Variants in NUDCD2 observed in about 807,000 individuals in gnomAD.
NUDCD2 encodes the protein nudC domain-containing protein 2.
In NUDCD2, 16 loss-of-function variants were observed where a neutral mutation model predicts 20.8. That is an observed-to-expected ratio of 0.77 (90% CI 0.52 to 1.17). The LOEUF (loss-of-function observed/expected upper bound fraction) is 1.17, where lower values mean the gene tolerates loss of function less well. NUDCD2 is among the 50% of genes most tolerant of loss of function. The pLI is 0.00. For missense variants in NUDCD2, 199 were observed against 193.9 expected (o/e 1.03, Z -0.16); for synonymous variants, 87 against 72.8 (o/e 1.20, Z -1.00).
At chr5:163,457,120 T>G (rs372905503) in intron 2 of NUDCD2, 40 bp from the exon 3 acceptor site, 63 of 1,530,176 alleles carry the variant, frequency 4.1e-5, no homozygotes, top group Non-Finnish European at 5.4e-5. Context: ...ACAAATAAAT[T>G]AGAGTTCTTC....
chr5:163,458,277 G>A (rs940154201), intron 1 of NUDCD2, among the ~76,000 whole-genome samples: 5 of 151,784 alleles, frequency 3.3e-5, no homozygotes, highest in Admixed American at 2.6e-4. Context: ...TACCGCACCC[G>A]GCAAAATGTT....
Position 163,459,930 on chromosome 5 carries a change from G to C in NUDCD2, c.121C>G (p.Gln41Glu). ...CTCTGGAGGCCGCACTGGATATCCT[G>C]GGCGCGCGTGCCTGGCGGCACCTGA... is the stretch of plus-strand genomic sequence containing the variant. Reference protein sequence around the residue: ...EVQVPPGTRAQDIQCGLQSRH... With the variant: ...EVQVPPGTRAEDIQCGLQSRH... Residue 41 changes from glutamine (Q) to glutamate (E), a missense_variant, in exon 1 of 4, where the codon CAG (glutamine) becomes GAG (glutamate). Physicochemically the swap from Gln to Glu is conservative, Grantham distance 29. Transcript: ENST00000302764. 4.3e-6 allele frequency: 7 copies of C among 1,612,954 alleles called. No homozygotes were observed. The highest frequency in any genetic ancestry group is 5.9e-6 in the Non-Finnish European group (7 of 1,179,750).
rs1758236187 is a variant in NUDCD2, at chr5:163,453,764, C to T, written c.*203G>A. On this transcript the variant is annotated 3_prime_UTR_variant, in exon 4 of 4. Coordinates refer to ENST00000302764, the MANE Select transcript of NUDCD2 (RefSeq NM_145266.6). ...CTGAGCAAAAACAAGTCCAAAACAA[C>T]TTTACCATATATCCATAGAATAGTT... 1 of 362,732 alleles carries T rather than the reference C, an allele frequency of 2.8e-6. No homozygotes were observed. Among genetic ancestry groups the T allele is most frequent in the Admixed American group, 4.6e-5 (1 of 21,860 alleles). 22.5% of individuals were successfully genotyped at this position (362,732 alleles called of 1,614,324 possible).
Position 163,459,996 on chromosome 5 carries a change from CCCA to C in NUDCD2, c.52_54del (p.Trp18del). 1 of 1,613,188 alleles carries C rather than the reference CCCA, an allele frequency of 6.2e-7. No homozygotes were observed. The highest frequency in any genetic ancestry group is 8.5e-7 in the Non-Finnish European group (1 of 1,179,658). Reference sequence around the variant, plus strand: ...TCCTCCAAGGTCTGGTACCACTGGCCCCACGGGGTCCCGCACGGTACCACCCCA... The same window carrying C: ...TCCTCCAAGGTCTGGTACCACTGGCCCGGGGTCCCGCACGGTACCACCCCA... On this transcript the variant is annotated inframe_deletion, in exon 1 of 4. Coordinates refer to ENST00000302764, the MANE Select transcript of NUDCD2 (RefSeq NM_145266.6).
chr5:163,457,449 T>G (rs1758351724), intron 2 of NUDCD2, 113 bp downstream of exon 2: 11 of 720,184 alleles, frequency 1.5e-5, no homozygotes, highest in Non-Finnish European at 2.7e-5. Flanking sequence ...TTCAACACAT[T>G]TCTATTGCTT....
rs1027600809 is a variant in NUDCD2 at position 163,448,235 on chromosome 5, G to A, written c.*5732C>T. ...AAAGAGGCAGAAAATAAATGCAATT[G>A]TAAACAAATTAATAGAAAACAATCA... On this transcript the variant is annotated 3_prime_UTR_variant, in exon 4 of 4. Coordinates refer to ENST00000302764, the MANE Select transcript of NUDCD2 (RefSeq NM_145266.6). 2.0e-5 allele frequency: 3 copies of A among 150,744 alleles called. No individual in the cohort carries two copies. The highest frequency in any genetic ancestry group is 2.0e-4 in the Admixed American group (3 of 15,148). The allele number at this position is 150,744 out of a possible 1,614,324, so 9.3% of individuals were successfully genotyped here.
At chr5:163,456,558 C>T (rs150963198) in intron 3 of NUDCD2, among the ~76,000 whole-genome samples, 5 of 152,124 alleles carry the variant, frequency 3.3e-5, no homozygotes, top group East Asian at 3.9e-4. Flanking sequence ...AAGCAATAGC[C>T]AACATATGAG....
intron 1 of NUDCD2, 124 bp from the exon 2 acceptor site, chr5:163,457,734 T>C (rs893833665): frequency 7.4e-6 from 5 of 675,998 alleles, no homozygotes; most frequent in Non-Finnish European, 1.3e-5. Flanking sequence ...CCATGACATT[T>C]ATAGGTGCAC....
intron 1 of NUDCD2, among the ~76,000 whole-genome samples, chr5:163,458,502 G>T (rs1261244051): frequency 6.6e-6 from 1 of 152,066 alleles, no homozygotes; most frequent in Non-Finnish European, 1.5e-5. Flanking sequence ...GGCCAACGTG[G>T]ATTGCTTGAC....
chr5:163,449,343 C>T lies in NUDCD2; in HGVS notation c.*4624G>A, dbSNP rs534733052. The T allele has an allele frequency of 1.2e-4, 18 of 152,312 alleles. No individual in the cohort carries two copies. Among genetic ancestry groups the T allele is most frequent in the Non-Finnish European group, 2.6e-4 (18 of 68,024 alleles). The allele number at this position is 152,312 out of a possible 1,614,324, so 9.4% of individuals were successfully genotyped here. ...CAAACAAAAATCAAACACATTTGTA[C>T]ATACTAGCGATGTGCAATTGGAAAC... On this transcript the variant is annotated 3_prime_UTR_variant, in exon 4 of 4. Coordinates refer to ENST00000302764, the MANE Select transcript of NUDCD2 (RefSeq NM_145266.6).
Position 163,450,341 on chromosome 5 carries a change from G to C in NUDCD2, c.*3626C>G, listed in dbSNP as rs550598757. On this transcript the variant is annotated 3_prime_UTR_variant, in exon 4 of 4. Coordinates refer to ENST00000302764, the MANE Select transcript of NUDCD2 (RefSeq NM_145266.6). The stretch of plus-strand genomic sequence containing the variant: ...ACACCAAAAACATGATCCACCAATG[G>C]CATGATGGATAAGACTTCATCAAAA... 14 of 152,202 alleles carry C rather than the reference G, an allele frequency of 9.2e-5. No individual in the cohort carries two copies. Among genetic ancestry groups the C allele is most frequent in the African/African-American group, 3.4e-4 (14 of 41,520 alleles). The allele number at this position is 152,202 out of a possible 1,614,324, so 9.4% of individuals were successfully genotyped here. A position where few individuals can be genotyped will look rare whatever the true frequency, so the allele number is the denominator to read the frequency against.
chr5:163,455,515 G>C (rs1481637742), intron 3 of NUDCD2, among the ~76,000 whole-genome samples: 1 of 152,192 alleles, frequency 6.6e-6, no homozygotes, highest in Non-Finnish European at 1.5e-5. Flanking sequence ...TGTAATCCCG[G>C]CACTTTGGGA....
chr5:163,459,284 G>C (rs1758409801), intron 1 of NUDCD2: 1 of 152,154 alleles, frequency 6.6e-6, no homozygotes, highest in African/African-American at 2.4e-5. Flanking sequence ...AAGAGCATTG[G>C]TGAAAAGAAA....
At chr5:163,454,075 A>G in intron 3 of NUDCD2, 25 bp from the exon 4 acceptor site, 1 of 1,272,722 alleles carries the variant, frequency 7.9e-7, no homozygotes, top group East Asian at 2.6e-5. Context: ...CATATATATA[A>G]TGAAATAAAA....
In NUDCD2 at chr5:163,449,499, T is replaced by C. The variant is rs1346772542; in HGVS notation, c.*4468A>G. 2 of 152,254 alleles carry C rather than the reference T, an allele frequency of 1.3e-5. No individual in the cohort carries two copies. Among genetic ancestry groups the C allele is most frequent in the African/African-American group, 2.4e-5 (1 of 41,470 alleles). 9.4% of individuals were successfully genotyped at this position (152,254 alleles called of 1,614,324 possible). ...GTCCTAAATAGATACCTCATGTTCATGGATTGGAAGACACAAAATTGCATT... is the reference window on the plus strand; with the variant it reads ...GTCCTAAATAGATACCTCATGTTCACGGATTGGAAGACACAAAATTGCATT... On this transcript the variant is annotated 3_prime_UTR_variant, in exon 4 of 4. Transcript: ENST00000302764.
rs1206735259 is a variant in NUDCD2 at position 163,452,065 on chromosome 5, A to C, written c.*1902T>G. 2.0e-5 allele frequency: 3 copies of C among 151,610 alleles called. No homozygotes were observed. The highest frequency in any genetic ancestry group is 4.9e-5 in the African/African-American group (2 of 41,226). The allele number at this position is 151,610 out of a possible 1,614,324, so 9.4% of individuals were successfully genotyped here. A position where few individuals can be genotyped will look rare whatever the true frequency, so the allele number is the denominator to read the frequency against. ...TGAAACTCCACCTTAAAAAAAAAAA[A>C]CCCCACAAATAATCAAATAGGAATC... On this transcript the variant is annotated 3_prime_UTR_variant, in exon 4 of 4. Transcript: ENST00000302764.
rs998400168 is a variant in NUDCD2 at position 163,448,066 on chromosome 5, T to G, written c.*5901A>C. 1 of 151,638 alleles carries G rather than the reference T, an allele frequency of 6.6e-6. No individual in the cohort carries two copies. 9.4% of individuals were successfully genotyped at this position (151,638 alleles called of 1,614,324 possible). ...GTCCCAGCCACTCAGAAGGCTGAGG[T>G]AGGAGGATCATGACCCCACGAGTTT... On this transcript the variant is annotated 3_prime_UTR_variant, in exon 4 of 4. Transcript: ENST00000302764.
At chr5:163,458,223 C>T (rs933960825) in intron 1 of NUDCD2, among the ~76,000 whole-genome samples, 46 of 152,006 alleles carry the variant, frequency 3.0e-4, no homozygotes, top group South Asian at 1.5e-3. Context: ...CCTTGTGATC[C>T]GCCCGCCTAG....
At chr5:163,455,369 G>A (rs925687277) in intron 3 of NUDCD2, among the ~76,000 whole-genome samples, 5 of 152,212 alleles carry the variant, frequency 3.3e-5, no homozygotes, top group Non-Finnish European at 7.3e-5. Context: ...CTGTAAGGGA[G>A]GAGGTAATCA....
Sources: allele counts gnomAD v4.1 joint callset (sites outside exome capture counted in the v4.1 genomes callset), GRCh38; gene constraint gnomAD v4.1.1; transcripts MANE v1.5; gene names NCBI Gene and HGNC (gene_info 2026-07-23, HGNC 2026-07-21).